The following ATE1 variants were observed in gnomAD, a reference collection of about 807,000 sequenced individuals.
ATE1 encodes the protein arginyl-tRNA--protein transferase 1.
In ATE1, 36 loss-of-function variants were observed where a neutral mutation model predicts 70.5. That is an observed-to-expected ratio of 0.51 (90% CI 0.39 to 0.67). The LOEUF (loss-of-function observed/expected upper bound fraction) is 0.67, where lower values mean the gene tolerates loss of function less well. ATE1 is among the 30% of genes least tolerant of loss of function. The pLI, the probability that ATE1 is intolerant of heterozygous loss-of-function variation, is 0.00. For missense variants in ATE1, 593 were observed against 629.5 expected (o/e 0.94, Z 0.62); for synonymous variants, 232 against 219.3 (o/e 1.06, Z -0.51).
At chr10:121,787,695 A>G (rs1327394708) in intron 11 of ATE1, among the ~76,000 whole-genome samples, 4 of 152,236 alleles carry the variant, frequency 2.6e-5, no homozygotes, top group Non-Finnish European at 4.4e-5. Flanking sequence ...AACATACAAT[A>G]TATTCATCGC....
chr10:121,859,974 T>A (rs1321480976), intron 8 of ATE1, among the ~76,000 whole-genome samples: 1 of 152,170 alleles, frequency 6.6e-6, no homozygotes, highest in East Asian at 1.9e-4. Flanking sequence ...AAAAAAGACT[T>A]GCTTTTTAAG....
chr10:121,842,877 C>T (rs910947137), intron 8 of ATE1, among the ~76,000 whole-genome samples: 1 of 151,978 alleles, frequency 6.6e-6, no homozygotes, highest in African/African-American at 2.4e-5. Context: ...AATATATATG[C>T]AAAAACCCAC....
chr10:121,841,291 C>A, intron 8 of ATE1, 28 bp from the exon 9 acceptor site: 5 of 1,346,008 alleles, frequency 3.7e-6, no homozygotes, highest in Non-Finnish European at 4.8e-6. Context: ...CACAAACAGC[C>A]ATTTTTTTAA....
intron 7 of ATE1, among the ~76,000 whole-genome samples, chr10:121,878,848 G>A (rs984644564): frequency 2.6e-5 from 4 of 151,976 alleles, no homozygotes; most frequent in African/African-American, 9.7e-5. Flanking sequence ...TTTACAGACA[G>A]CAAAATTACC....
intron 4 of ATE1, among the ~76,000 whole-genome samples, chr10:121,911,432 T>C (rs1951421204): frequency 7.3e-6 from 1 of 137,084 alleles, no homozygotes; most frequent in Non-Finnish European, 1.6e-5. Context: ...ACACTATCTC[T>C]ACAGTAAATT....
At chr10:121,828,920 T>C (rs771585939) in intron 10 of ATE1, among the ~76,000 whole-genome samples, 4 of 152,246 alleles carry the variant, frequency 2.6e-5, no homozygotes, top group South Asian at 2.1e-4. Context: ...GAAACTTACA[T>C]GTACAAATCT....
chr10:121,903,138 C>T (rs1464747321), intron 5 of ATE1, among the ~76,000 whole-genome samples: 1 of 117,848 alleles, frequency 8.5e-6, no homozygotes, highest in African/African-American at 2.9e-5. Flanking sequence ...ATTCACCCAC[C>T]TTGGCCTCCC....
intron 8 of ATE1, among the ~76,000 whole-genome samples, chr10:121,852,267 CTA>C (rs2133881643): frequency 6.6e-6 from 1 of 152,318 alleles, no homozygotes. Context: ...ATACAAAAAT[CTA>C]TGATGAGACA....
chr10:121,906,538 T>C (rs557120298), intron 5 of ATE1, among the ~76,000 whole-genome samples: 1 of 147,672 alleles, frequency 6.8e-6, no homozygotes, highest in East Asian at 2.0e-4. Context: ...CAAAATAAAA[T>C]AAAATAAAAT....
At chr10:121,855,222 C>G (rs1264416873) in intron 8 of ATE1, among the ~76,000 whole-genome samples, 1 of 152,160 alleles carries the variant, frequency 6.6e-6, no homozygotes, top group African/African-American at 2.4e-5. Flanking sequence ...ACTCTGTGTC[C>G]ACACTCCTTA....
intron 11 of ATE1, among the ~76,000 whole-genome samples, chr10:121,776,395 G>A (rs898891771): frequency 4.6e-5 from 7 of 152,032 alleles, no homozygotes; most frequent in African/African-American, 1.4e-4. Flanking sequence ...AGAAGAGCAA[G>A]AGGGTCATCA....
intron 10 of ATE1, among the ~76,000 whole-genome samples, chr10:121,801,095 G>C (rs2133374157): frequency 6.6e-6 from 1 of 152,306 alleles, no homozygotes; most frequent in South Asian, 2.1e-4. Context: ...TAAAGACAAA[G>C]GACCTAAACA....
intron 11 of ATE1, among the ~76,000 whole-genome samples, chr10:121,772,921 A>T (rs1945583201): frequency 1.3e-5 from 2 of 152,242 alleles, no homozygotes; most frequent in African/African-American, 4.8e-5. Context: ...CACTTCTACA[A>T]AGCAAACTTC....
intron 7 of ATE1, chr10:121,899,043 A>G: frequency 6.5e-7 from 1 of 1,527,840 alleles, no homozygotes; most frequent in Non-Finnish European, 8.9e-7. Flanking sequence ...GTGAGGCTAC[A>G]GTAAGATCTC....
At chr10:121,850,186 T>C (rs1030498871) in intron 8 of ATE1, among the ~76,000 whole-genome samples, 1 of 152,232 alleles carries the variant, frequency 6.6e-6, no homozygotes, top group Non-Finnish European at 1.5e-5. Flanking sequence ...ATTAACAACA[T>C]AAGCATTTCG....
At chr10:121,917,193 A>T (rs1951695467) in intron 3 of ATE1, among the ~76,000 whole-genome samples, 1 of 152,094 alleles carries the variant, frequency 6.6e-6, no homozygotes, top group African/African-American at 2.4e-5. Flanking sequence ...GCTGACCGTG[A>T]TGCTTCAGGT....
intron 10 of ATE1, among the ~76,000 whole-genome samples, chr10:121,833,365 T>G (rs1948318849): frequency 2.0e-5 from 3 of 152,278 alleles, no homozygotes; most frequent in Admixed American, 2.0e-4. Flanking sequence ...GCATTAGTAT[T>G]TTCATTCATT....
At chr10:121,778,791 C>T (rs537918226) in intron 11 of ATE1, among the ~76,000 whole-genome samples, 3 of 151,838 alleles carry the variant, frequency 2.0e-5, no homozygotes, top group Non-Finnish European at 4.4e-5. Flanking sequence ...TTAGTAGAGA[C>T]GGGGTTTCAT....
intron 9 of ATE1, among the ~76,000 whole-genome samples, chr10:121,839,119 A>AC (rs1323997342): frequency 6.6e-6 from 1 of 152,172 alleles, no homozygotes; most frequent in Non-Finnish European, 1.5e-5. Context: ...AAGTGACAAG[A>AC]CCGCAGAGCA....
Sources: allele counts gnomAD v4.1 joint callset (sites outside exome capture counted in the v4.1 genomes callset), GRCh38; gene constraint gnomAD v4.1.1; transcripts MANE v1.5; gene names NCBI Gene and HGNC (gene_info 2026-07-23, HGNC 2026-07-21).